The following NAALADL2 variants were observed in gnomAD, a reference collection of about 807,000 sequenced individuals.
The protein encoded by NAALADL2 is N-acetylated alpha-linked acidic dipeptidase like 2.
NAALADL2 carries 76 observed loss-of-function variants against 87.2 expected under a neutral mutation model. The ratio of observed to expected loss-of-function variants is 0.87; its 90% CI spans 0.72 to 1.05. The LOEUF is 1.05. NAALADL2 is among the 50% of genes least tolerant of loss of function. The pLI, the probability that NAALADL2 is intolerant of heterozygous loss-of-function variation, is 0.00. For synonymous variants in NAALADL2, 354 were observed against 331.0 expected, an observed-to-expected ratio of 1.07 and a Z score of -0.75; for missense variants, 1,089 against 945.8, an observed-to-expected ratio of 1.15 and a Z score of -1.99.
chr3:175,138,894 A>C (rs1729557443), intron 2 of NAALADL2, among the ~76,000 whole-genome samples: 1 of 114,844 alleles, frequency 8.7e-6, no homozygotes, highest in Non-Finnish European at 1.9e-5. Flanking sequence ...TAAAATATAT[A>C]TATATATATA....
intron 2 of NAALADL2, among the ~76,000 whole-genome samples, chr3:174,731,586 A>G (rs1732710669): frequency 6.6e-6 from 1 of 152,168 alleles, no homozygotes; most frequent in Admixed American, 6.5e-5. Flanking sequence ...TTAATAAATG[A>G]TTCTCTGTTT....
intron 1 of NAALADL2, among the ~76,000 whole-genome samples, chr3:175,072,475 T>A (rs965479397): frequency 6.6e-6 from 1 of 150,938 alleles, no homozygotes; most frequent in African/African-American, 2.4e-5. Context: ...ATGAAAAGAG[T>A]CATCTTTAAA....
chr3:174,462,817 G>A (rs566630460), intron 1 of NAALADL2, among the ~76,000 whole-genome samples: 4 of 152,214 alleles, frequency 2.6e-5, no homozygotes, highest in African/African-American at 4.8e-5. Flanking sequence ...ACAACATTAT[G>A]GTTTTAATTG....
intron 1 of NAALADL2, among the ~76,000 whole-genome samples, chr3:174,887,900 C>G (rs1010474278): frequency 2.0e-5 from 3 of 149,690 alleles, no homozygotes; most frequent in Non-Finnish European, 3.0e-5. Context: ...TGCATTTTAA[C>G]AAAAGTAAGA....
chr3:174,792,146 A>C (rs1394531284), intron 3 of NAALADL2, among the ~76,000 whole-genome samples: 3 of 152,086 alleles, frequency 2.0e-5, no homozygotes, highest in Non-Finnish European at 4.4e-5. Context: ...GTTTGAACCC[A>C]GGAGGCAGAG....
At chr3:175,594,294 C>G (rs1017067263) in intron 10 of NAALADL2, among the ~76,000 whole-genome samples, 1 of 152,080 alleles carries the variant, frequency 6.6e-6, no homozygotes, top group Non-Finnish European at 1.5e-5. Flanking sequence ...ATGATGGTCT[C>G]CAGTTCTATC....
intron 2 of NAALADL2, among the ~76,000 whole-genome samples, chr3:175,153,852 T>C (rs997737188): frequency 3.3e-5 from 5 of 152,204 alleles, no homozygotes; most frequent in Non-Finnish European, 7.3e-5. Context: ...ATTGCCTGTC[T>C]TTCAAAGAGT....
chr3:175,552,981 C>A (rs1364158309), intron 9 of NAALADL2, among the ~76,000 whole-genome samples: 2 of 151,886 alleles, frequency 1.3e-5, no homozygotes, highest in African/African-American at 4.8e-5. Flanking sequence ...AAATCAAATG[C>A]CATAAAATTG....
intron 2 of NAALADL2, among the ~76,000 whole-genome samples, chr3:174,609,040 T>A (rs1255473201): frequency 2.0e-5 from 3 of 151,758 alleles, no homozygotes; most frequent in Non-Finnish European, 2.9e-5. Context: ...ATCCAGCATA[T>A]AAACAGAACC....
chr3:175,558,711 G>A (rs1437258844), intron 9 of NAALADL2, among the ~76,000 whole-genome samples: 4 of 151,968 alleles, frequency 2.6e-5, no homozygotes, highest in African/African-American at 4.8e-5. Flanking sequence ...CCTTGACAAC[G>A]TTGTTGAAAA....
At chr3:174,989,367 C>T (rs553291418) in intron 1 of NAALADL2, among the ~76,000 whole-genome samples, 1 of 152,282 alleles carries the variant, frequency 6.6e-6, no homozygotes, top group Non-Finnish European at 1.5e-5. Context: ...TGGCTCCACA[C>T]TTTACATTTA....
chr3:175,407,179 A>G (rs930596989), intron 5 of NAALADL2, among the ~76,000 whole-genome samples: 2 of 152,320 alleles, frequency 1.3e-5, no homozygotes, highest in East Asian at 3.9e-4. Context: ...ACGAGACTCC[A>G]TCTGAAAAAA....
chr3:175,048,361 C>CA (rs1338218517), intron 1 of NAALADL2, among the ~76,000 whole-genome samples: 6 of 151,986 alleles, frequency 3.9e-5, no homozygotes, highest in Admixed American at 1.3e-4. Flanking sequence ...ACTGCATTTT[C>CA]AAAAAAGTTG....
intron 3 of NAALADL2, among the ~76,000 whole-genome samples, chr3:174,794,211 A>G (rs1560231498): frequency 6.6e-6 from 1 of 152,108 alleles, no homozygotes; most frequent in Non-Finnish European, 1.5e-5. Flanking sequence ...TCGATTCAGA[A>G]TGATAGTCTT....
At chr3:175,336,040 A>G (rs559201817) in intron 5 of NAALADL2, among the ~76,000 whole-genome samples, 16 of 152,214 alleles carry the variant, frequency 1.1e-4, no homozygotes, top group African/African-American at 3.9e-4. Context: ...TGTGACTTAT[A>G]TACGTGCATA....
intron 2 of NAALADL2, among the ~76,000 whole-genome samples, chr3:174,555,288 A>G (rs755825717): frequency 9.2e-5 from 14 of 152,174 alleles, no homozygotes; most frequent in Admixed American, 2.6e-4. Flanking sequence ...AGACAGACCC[A>G]AAGCCACGGG....
chr3:175,690,206 T>C (rs960477174), intron 11 of NAALADL2, among the ~76,000 whole-genome samples: 1 of 152,026 alleles, frequency 6.6e-6, no homozygotes, highest in African/African-American at 2.4e-5. Flanking sequence ...AAATTAAAAA[T>C]GTAGGTGTGA....
chr3:174,547,798 T>G (rs1168129499), intron 1 of NAALADL2, among the ~76,000 whole-genome samples: 1 of 152,134 alleles, frequency 6.6e-6, no homozygotes, highest in Non-Finnish European at 1.5e-5. Flanking sequence ...AACTTCAGAT[T>G]AAAGAAAAGT....
intron 11 of NAALADL2, among the ~76,000 whole-genome samples, chr3:175,711,928 C>T (rs1401799742): frequency 6.6e-6 from 1 of 151,808 alleles, no homozygotes; most frequent in East Asian, 1.9e-4. Flanking sequence ...TAGTATTCAA[C>T]TTTATCCAAG....
Sources: allele counts gnomAD v4.1 joint callset (sites outside exome capture counted in the v4.1 genomes callset), GRCh38; gene constraint gnomAD v4.1.1; transcripts MANE v1.5; gene names NCBI Gene and HGNC (gene_info 2026-07-23, HGNC 2026-07-21).